UQCC1: variants seen among roughly 807,000 people sequenced by gnomAD.
UQCC1 encodes the protein ubiquinol-cytochrome c reductase complex assembly factor 1.
A neutral mutation model predicts 48.0 loss-of-function variants in UQCC1; 38 were observed. The observed-to-expected ratio is 0.79, with a 90% CI of 0.61 to 1.04. The LOEUF (loss-of-function observed/expected upper bound fraction) is 1.04, where lower values mean the gene tolerates loss of function less well. Among genes scored for constraint, UQCC1 ranks in the 50% least tolerant of loss-of-function variants. The pLI, the probability that UQCC1 is intolerant of heterozygous loss-of-function variation, is 0.00. For missense variants in UQCC1, 368 were observed against 381.8 expected (o/e 0.96, Z 0.30); for synonymous variants, 111 against 129.2 (o/e 0.86, Z 0.95).
intron 9 of UQCC1, chr20:35,306,455 T>TTC: frequency 1.8e-6 from 1 of 543,196 alleles, no homozygotes; most frequent in Non-Finnish European, 3.3e-6. Flanking sequence ...CGATGCCTCT[T>TTC]TCTCTCTCTC....
intron 7 of UQCC1, among the ~76,000 whole-genome samples, chr20:35,321,286 G>GCA (rs1568654831): frequency 7.2e-6 from 1 of 139,002 alleles, no homozygotes; most frequent in African/African-American, 3.1e-5. Context: ...GTGTGTGTGC[G>GCA]CGCGCGCGCG....
At chr20:35,324,528 G>A (rs576497478) in intron 7 of UQCC1, among the ~76,000 whole-genome samples, 19 of 152,162 alleles carry the variant, frequency 1.2e-4, no homozygotes, top group Middle Eastern at 3.4e-3. Flanking sequence ...GGGTTTCACC[G>A]TGTTAGCCAG....
intron 6 of UQCC1, among the ~76,000 whole-genome samples, chr20:35,354,106 A>G (rs2061519954): frequency 6.6e-6 from 1 of 152,176 alleles, no homozygotes; most frequent in South Asian, 2.1e-4. Flanking sequence ...AACAGGCTAT[A>G]CCACCGAGGT....
At chr20:35,347,813 A>C (rs2061447309) in intron 6 of UQCC1, among the ~76,000 whole-genome samples, 1 of 152,250 alleles carries the variant, frequency 6.6e-6, no homozygotes, top group South Asian at 2.1e-4. Flanking sequence ...AAGAAAAAGA[A>C]TATAAAATAT....
chr20:35,312,642 C>T (rs1207566133), intron 8 of UQCC1, among the ~76,000 whole-genome samples: 2 of 152,150 alleles, frequency 1.3e-5, no homozygotes, highest in Admixed American at 1.3e-4. Context: ...GAGGTAACCA[C>T]AAAATCAGTA....
At chr20:35,372,599 C>A (rs536660723) in intron 5 of UQCC1, among the ~76,000 whole-genome samples, 2 of 152,196 alleles carry the variant, frequency 1.3e-5, no homozygotes, top group Non-Finnish European at 2.9e-5. Context: ...CCATGGCTCA[C>A]GCCTGTAATC....
At chr20:35,322,203 TCAA>T (rs1180171397) in intron 7 of UQCC1, among the ~76,000 whole-genome samples, 3 of 152,316 alleles carry the variant, frequency 2.0e-5, no homozygotes, top group Middle Eastern at 6.8e-3. Flanking sequence ...AGTCGCAGTT[TCAA>T]CAACAGCACT....
In UQCC1 at chr20:35,307,340, A is replaced by G. The variant is rs1187214439; in HGVS notation, c.652-561T>C. 2.0e-5 allele frequency among the ~76,000 whole-genome samples: 3 copies of G among 152,212 alleles called. No individual in the cohort carries two copies. In the East Asian group the frequency reaches 5.8e-4, roughly 29 times the overall value. On this transcript the variant is annotated intron_variant, in intron 8 of 9. Transcript: ENST00000374385. ...CTCTGGGCCCAGCCTCTCCCTAAGT[A>G]GGGGAACAGGATGTTCAGCAGGATT...
At chr20:35,389,583 GA>G (rs1454702023) in intron 2 of UQCC1, among the ~76,000 whole-genome samples, 1 of 151,612 alleles carries the variant, frequency 6.6e-6, no homozygotes, top group Non-Finnish European at 1.5e-5. Context: ...GAAAAGAAAA[GA>G]AAAGAAAATG....
intron 7 of UQCC1, among the ~76,000 whole-genome samples, chr20:35,320,229 G>A (rs1369141494): frequency 6.6e-6 from 1 of 152,192 alleles, no homozygotes; most frequent in Non-Finnish European, 1.5e-5. Flanking sequence ...AGTGATTCAA[G>A]TCTGGAGACG....
intron 7 of UQCC1, among the ~76,000 whole-genome samples, chr20:35,325,647 A>G (rs2061184415): frequency 6.6e-6 from 1 of 152,252 alleles, no homozygotes; most frequent in Non-Finnish European, 1.5e-5. Context: ...GTCCTCAAGA[A>G]GTTTACAATC....
chr20:35,346,789 A>T lies in UQCC1; in HGVS notation c.573+375T>A. ...CCCCATACCAGGGCCTCCCATCAGA[A>T]CTAATTTATAGAAGGACTGGTTCAA... On this transcript the variant is annotated intron_variant, in intron 7 of 9. Transcript: ENST00000374385. 3 of 540,024 alleles carry T rather than the reference A, an allele frequency of 5.6e-6. No individual in the cohort carries two copies. The South Asian group carries it at 6.8e-5, about 12-fold the overall frequency. 33.5% of individuals were successfully genotyped at this position (540,024 alleles called of 1,614,324 possible).
intron 2 of UQCC1, 117 bp downstream of exon 2, chr20:35,393,975 A>G (rs1217959199): frequency 1.1e-6 from 1 of 892,570 alleles, no homozygotes; most frequent in East Asian, 2.5e-5. Context: ...ACAGAGACCC[A>G]GAGTGGTCTC....
intron 8 of UQCC1, among the ~76,000 whole-genome samples, chr20:35,308,936 G>A (rs1245800841): frequency 2.6e-5 from 4 of 152,110 alleles, no homozygotes; most frequent in African/African-American, 4.8e-5. Flanking sequence ...GGGTGGTCTC[G>A]AACTCCTGAC....
At chr20:35,382,818 A>AT (rs1177481715) in intron 3 of UQCC1, among the ~76,000 whole-genome samples, 1 of 151,870 alleles carries the variant, frequency 6.6e-6, no homozygotes, top group African/African-American at 2.4e-5. Flanking sequence ...CCTAATTTTC[A>AT]TTTTTTTAAG....
chr20:35,328,500 G>T (rs1322926764), intron 7 of UQCC1, among the ~76,000 whole-genome samples: 2 of 152,124 alleles, frequency 1.3e-5, no homozygotes, highest in African/African-American at 2.4e-5. Flanking sequence ...TGTAAGGTGG[G>T]TATTACAGTT....
At chr20:35,408,359 T>G (rs2062284286) in intron 1 of UQCC1, among the ~76,000 whole-genome samples, 2 of 150,886 alleles carry the variant, frequency 1.3e-5, no homozygotes, top group Admixed American at 1.3e-4. Context: ...AGCCCAGAAG[T>G]GGAGGCTGCA....
At chr20:35,322,540 C>G (rs2061143004) in intron 7 of UQCC1, among the ~76,000 whole-genome samples, 1 of 152,004 alleles carries the variant, frequency 6.6e-6, no homozygotes, top group African/African-American at 2.4e-5. Context: ...TCGAGACCAG[C>G]CTGGCCAACA....
chr20:35,411,345 T>A (rs2062360535), intron 1 of UQCC1, among the ~76,000 whole-genome samples: 1 of 152,150 alleles, frequency 6.6e-6, no homozygotes, highest in African/African-American at 2.4e-5. Context: ...TTAACACCTA[T>A]GATGTGCCAG....
Sources: allele counts gnomAD v4.1 joint callset (sites outside exome capture counted in the v4.1 genomes callset), GRCh38; gene constraint gnomAD v4.1.1; transcripts MANE v1.5; gene names NCBI Gene and HGNC (gene_info 2026-07-23, HGNC 2026-07-21).